Variants in FYB1 observed in about 807,000 individuals in gnomAD.
FYB1 encodes the protein FYN-binding protein 1.
In FYB1, 41 loss-of-function variants were observed where a neutral mutation model predicts 94.1. The observed-to-expected ratio is 0.44, with a 90% CI of 0.34 to 0.57. FYB1 has a LOEUF of 0.57. Ranked by LOEUF, FYB1 falls within the 20% of genes least tolerant of loss-of-function variation. The pLI, the probability that FYB1 is intolerant of heterozygous loss-of-function variation, is 0.02. For missense variants in FYB1, 1,050 were observed against 976.8 expected (o/e 1.07, Z -1.00); for synonymous variants, 367 against 353.2 (o/e 1.04, Z -0.44).
intron 5 of FYB1, 113 bp from the exon 6 acceptor site, chr5:39,138,804 A>C (rs948776693): frequency 1.4e-6 from 1 of 717,442 alleles, no homozygotes; most frequent in Non-Finnish European, 2.5e-6. Flanking sequence ...TATAATTTGA[A>C]CCACATATTA....
intron 3 of FYB1, among the ~76,000 whole-genome samples, chr5:39,144,024 A>G (rs568903757): frequency 6.6e-6 from 1 of 152,356 alleles, no homozygotes; most frequent in Admixed American, 6.5e-5. Flanking sequence ...AGCCAAACTC[A>G]TAGTAAAAAC....
chr5:39,170,244 G>A, intron 2 of FYB1: 1 of 1,052,472 alleles, frequency 9.5e-7, no homozygotes. Flanking sequence ...TGGTGGTGGT[G>A]TCTTTCCTAC....
chr5:39,205,760 G>A (rs1403708689), intron 1 of FYB1, among the ~76,000 whole-genome samples: 1 of 152,160 alleles, frequency 6.6e-6, no homozygotes, highest in African/African-American at 2.4e-5. Context: ...GTTATGACTT[G>A]AGTTCAAACC....
chr5:39,175,359 A>G (rs1214208587), intron 2 of FYB1, among the ~76,000 whole-genome samples: 1 of 152,220 alleles, frequency 6.6e-6, no homozygotes, highest in Non-Finnish European at 1.5e-5. Context: ...TGACTCTGAT[A>G]TAAGCGGTGA....
intron 15 of FYB1, 49 bp from the exon 16 acceptor site, chr5:39,119,085 G>A (rs890705080): frequency 6.9e-6 from 6 of 866,214 alleles, no homozygotes; most frequent in Non-Finnish European, 9.7e-6. Flanking sequence ...GTGCATTATT[G>A]AAACAACTTA....
chr5:39,114,332 C>T (rs573908892), intron 16 of FYB1, among the ~76,000 whole-genome samples: 6 of 152,266 alleles, frequency 3.9e-5, no homozygotes, highest in African/African-American at 7.2e-5. Flanking sequence ...AAGAGTTCAA[C>T]GCCTACACAG....
intron 2 of FYB1, among the ~76,000 whole-genome samples, chr5:39,155,680 T>C (rs1743683424): frequency 6.6e-6 from 1 of 152,152 alleles, no homozygotes; most frequent in Non-Finnish European, 1.5e-5. Context: ...CTTAGTTTTT[T>C]TGTTGTTGTT....
At chr5:39,216,087 C>T (rs1482795156) in intron 1 of FYB1, among the ~76,000 whole-genome samples, 1 of 152,112 alleles carries the variant, frequency 6.6e-6, no homozygotes, top group African/African-American at 2.4e-5. Context: ...CCCCTAGAGC[C>T]TCCAGAGGGA....
chr5:39,146,322 C>T (rs1183318118), intron 3 of FYB1, among the ~76,000 whole-genome samples: 2 of 152,130 alleles, frequency 1.3e-5, no homozygotes, highest in East Asian at 1.9e-4. Context: ...TCCATTCATC[C>T]ATTATAGTGA....
intron 18 of FYB1, among the ~76,000 whole-genome samples, chr5:39,108,029 G>A (rs1738683303): frequency 6.6e-6 from 1 of 151,858 alleles, no homozygotes; most frequent in South Asian, 2.1e-4. Flanking sequence ...AAATAAATAA[G>A]GTTTTTCCTT....
At chr5:39,209,616 A>G (rs1177147007) in intron 1 of FYB1, among the ~76,000 whole-genome samples, 1 of 152,196 alleles carries the variant, frequency 6.6e-6, no homozygotes, top group Admixed American at 6.5e-5. Context: ...GGCGTGAGCC[A>G]CCGCACCCGG....
At chr5:39,266,940 C>G (rs1021385409) in intron 1 of FYB1, among the ~76,000 whole-genome samples, 1 of 152,150 alleles carries the variant, frequency 6.6e-6, no homozygotes, top group Admixed American at 6.5e-5. Context: ...AGCTTGTCTT[C>G]CTAGGTATCT....
chr5:39,186,401 C>A (rs1024724532), intron 2 of FYB1, among the ~76,000 whole-genome samples: 5 of 151,932 alleles, frequency 3.3e-5, no homozygotes, highest in Admixed American at 1.3e-4. Flanking sequence ...TCCAGCCTGG[C>A]GACAGAGTGA....
chr5:39,240,505 C>T (rs1476312579), intron 1 of FYB1, among the ~76,000 whole-genome samples: 1 of 151,980 alleles, frequency 6.6e-6, no homozygotes, highest in Non-Finnish European at 1.5e-5. Flanking sequence ...AAAAAGTGGG[C>T]AAAGGACATG....
chr5:39,162,423 A>G (rs1419626533), intron 2 of FYB1, among the ~76,000 whole-genome samples: 1 of 152,168 alleles, frequency 6.6e-6, no homozygotes, highest in Non-Finnish European at 1.5e-5. Context: ...GCTGTGGCTC[A>G]CACCTGTAAT....
At chr5:39,219,890 G>A (rs931296953), upstream of FYB1, among the ~76,000 whole-genome samples, 3 of 152,138 alleles carry the variant, frequency 2.0e-5, no homozygotes, top group East Asian at 1.9e-4. Context: ...TGCAATGGGG[G>A]CCAAAGGGGG....
intron 1 of FYB1, among the ~76,000 whole-genome samples, chr5:39,266,948 T>C (rs1752459876): frequency 6.6e-6 from 1 of 152,138 alleles, no homozygotes; most frequent in African/African-American, 2.4e-5. Context: ...TTCCTAGGTA[T>C]CTACTTTTTC....
At chr5:39,121,659 A>G (rs1355385831) in intron 14 of FYB1, among the ~76,000 whole-genome samples, 2 of 152,084 alleles carry the variant, frequency 1.3e-5, no homozygotes, top group Non-Finnish European at 2.9e-5. Flanking sequence ...TTATTGGATT[A>G]TGAGAAAGCA....
rs753488826 is a variant in FYB1, at chr5:39,202,788, C to A, written c.173G>T (p.Gly58Val). 6.8e-6 allele frequency: 11 copies of A among 1,613,768 alleles called. No homozygotes were observed. Among genetic ancestry groups the A allele is most frequent in the Middle Eastern group, 1.6e-4 (1 of 6,062 alleles). Residue 58 changes from glycine (G) to valine (V), a missense_variant, in exon 2 of 19, where the codon GGG (glycine) becomes GTG (valine). Coordinates refer to ENST00000512982, the MANE Select transcript of FYB1 (RefSeq NM_001465.6). ...PAGPSNVPKF[G>V]SPKPPVAVKP... ...GACTGCCACAGGTGGCTTTGGGGAC[C>A]CAAACTTAGGTACATTGCTGGGTCC...
Sources: gnomAD v4.1 joint callset for allele counts (sites outside exome capture counted in the v4.1 genomes callset) on GRCh38, gnomAD v4.1.1 for gene constraint, MANE v1.5 for transcripts, NCBI Gene and HGNC (gene_info 2026-07-23, HGNC 2026-07-21) for gene names.